Variants in POGLUT3 observed in about 807,000 individuals in gnomAD.
The protein encoded by POGLUT3 is KDEL (Lys-Asp-Glu-Leu) containing 2.
POGLUT3 carries 48 observed loss-of-function variants against 54.3 expected under a neutral mutation model. That is an observed-to-expected ratio of 0.88 (90% CI 0.70 to 1.12). The LOEUF (loss-of-function observed/expected upper bound fraction) is 1.12. POGLUT3 is among the 50% of genes most tolerant of loss of function. POGLUT3 has a pLI of 0.00. For synonymous variants in POGLUT3, 218 were observed against 237.4 expected, an observed-to-expected ratio of 0.92 and a Z score of 0.75; for missense variants, 629 against 618.7, an observed-to-expected ratio of 1.02 and a Z score of -0.18.
chr11:108,498,299 G>A lies in POGLUT3; in HGVS notation c.68C>T (p.Pro23Leu). 2 of 1,460,216 alleles carry A rather than the reference G, an allele frequency of 1.4e-6. No individual in the cohort carries two copies. The highest frequency in any genetic ancestry group is 1.8e-6 in the Non-Finnish European group (2 of 1,103,192). The allele number at this position is 1,460,216 out of a possible 1,614,324, so 90.5% of individuals were successfully genotyped here. A position where few individuals can be genotyped will look rare whatever the true frequency, so the allele number is the denominator to read the frequency against. The change falls in exon 1 of 8, where the codon CCG becomes CTG. Residue 23 changes from proline (P) to leucine (L), a missense_variant. Transcript: ENST00000323468. Reference protein sequence around the residue: ...RLALLVAAGAPEVLVSAPRSL... With the variant: ...RLALLVAAGALEVLVSAPRSL... ...CCGCGGCGCGCTGACCAGCACCTCC[G>A]GGGCCCCCGCGGCCACCAGCAGGGC...
In POGLUT3 at chr11:108,486,326, C is replaced by G; in HGVS notation, c.515G>C (p.Ser172Thr). 1 of 1,614,064 alleles carries G rather than the reference C, an allele frequency of 6.2e-7. No individual in the cohort carries two copies. The highest frequency in any genetic ancestry group is 8.5e-7 in the Non-Finnish European group (1 of 1,180,008). Reference protein sequence around the residue: ...QIAKDFASFPSINLQQMLKEV... With the variant: ...QIAKDFASFPTINLQQMLKEV... ...TTTTAGCATTTGCTGGAGATTGATG[C>G]TGGGAAAGGAAGCAAAATCTTTTGC... Residue 172 changes from serine (S) to threonine (T), a missense_variant, in exon 3 of 8, where the codon AGC becomes ACC. Physicochemically the swap from Ser to Thr is moderately conservative, Grantham distance 58 (BLOSUM62 1). Transcript: ENST00000323468.
intron 5 of POGLUT3, 69 bp downstream of exon 5, chr11:108,481,111 A>C (rs1381548170): frequency 5.6e-6 from 7 of 1,260,908 alleles, no homozygotes; most frequent in Non-Finnish European, 7.8e-6. Context: ...GCTGAAGCCC[A>C]CCTATTTTGG....
At chr11:108,496,060 T>C (rs973028027) in intron 1 of POGLUT3, among the ~76,000 whole-genome samples, 3 of 152,236 alleles carry the variant, frequency 2.0e-5, no homozygotes, top group Non-Finnish European at 4.4e-5. Context: ...ATCATTTGGA[T>C]TTTAACTGAG....
Position 108,498,230 on chromosome 11 carries a change from G to T in POGLUT3, c.137C>A (p.Pro46Gln), listed in dbSNP as rs1339503044. ...CGCCTGCAGGTAGAAATAGCGGACC[G>T]GCAGGACGACGGCCGCCTGCAGCCC... ...GPGLQAAVVL[P>Q]VRYFYLQAVN... Residue 46 changes from proline to glutamine, a missense_variant, in exon 1 of 8, where the codon CCG (proline) becomes CAG (glutamine). Pro to Gln is a moderately conservative substitution (Grantham distance 76). Transcript: ENST00000323468. The T allele has an allele frequency of 6.6e-7, 1 of 1,514,952 alleles. No homozygotes were observed. The highest frequency in any genetic ancestry group is 8.8e-7 in the Non-Finnish European group (1 of 1,133,162). The allele number at this position is 1,514,952 out of a possible 1,614,324, so 93.8% of individuals were successfully genotyped here. A position where few individuals can be genotyped will look rare whatever the true frequency, so the allele number is the denominator to read the frequency against.
At position 108,498,269 on chromosome 11, in the gene POGLUT3, A is replaced by C; in HGVS notation, c.98T>G (p.Leu33Arg). 6.7e-7 allele frequency: 1 copy of C among 1,495,636 alleles called. No homozygotes were observed. The highest frequency in any genetic ancestry group is 8.9e-7 in the Non-Finnish European group (1 of 1,122,732). 92.6% of individuals were successfully genotyped at this position (1,495,636 alleles called of 1,614,324 possible). A position where few individuals can be genotyped will look rare whatever the true frequency, so the allele number is the denominator to read the frequency against. ...CGCCTGCAGCCCGGGCCCCCACACC[A>C]GGCTCCGCGGCGCGCTGACCAGCAC... Reference protein sequence around the residue: ...PEVLVSAPRSLVWGPGLQAAV... With the variant: ...PEVLVSAPRSRVWGPGLQAAV... The change falls in exon 1 of 8, where the codon CTG (leucine) becomes CGG (arginine). Residue 33 changes from leucine (L) to arginine (R), a missense_variant. Coordinates refer to ENST00000323468, the MANE Select transcript of POGLUT3 (RefSeq NM_153705.5).
intron 7 of POGLUT3, among the ~76,000 whole-genome samples, chr11:108,477,054 A>G (rs959311657): frequency 1.3e-5 from 2 of 152,178 alleles, no homozygotes; most frequent in South Asian, 2.1e-4. Flanking sequence ...TTGCTAATCT[A>G]TATTTGTGAG....
In POGLUT3 at chr11:108,477,639, T is replaced by C; in HGVS notation, c.1366A>G (p.Arg456Gly). Residue 456 changes from arginine (R) to glycine (G), a missense_variant, in exon 7 of 8, where the codon AGG becomes GGG. Physicochemically the swap from Arg to Gly is moderately radical, Grantham distance 125. Transcript: ENST00000323468. ...ACTTGGTAATAGTAGCAGTAAAGCC[T>C]GTGTGGCTGTAGTAGGTCCCTAGCC... is the stretch of plus-strand genomic sequence containing the variant. ...LMARDLLQPH[R>G]LYCYYYQVLQ... 3.1e-6 allele frequency: 5 copies of C among 1,612,850 alleles called. No individual in the cohort carries two copies. The highest frequency in any genetic ancestry group is 4.2e-6 in the Non-Finnish European group (5 of 1,178,836).
Position 108,474,722 on chromosome 11 carries a change from G to A in POGLUT3, c.*105C>T, listed in dbSNP as rs1166739701. On this transcript the variant is annotated 3_prime_UTR_variant, in exon 8 of 8. Coordinates refer to ENST00000323468, the MANE Select transcript of POGLUT3 (RefSeq NM_153705.5). ...ATCTACATATATAAAGCCACCGGGA[G>A]AACTAGTCCACTTGGTGCAGTCTTC... 2 of 1,333,638 alleles carry A rather than the reference G, an allele frequency of 1.5e-6. No homozygotes were observed. The highest frequency in any genetic ancestry group is 2.1e-6 in the Non-Finnish European group (2 of 960,456). The allele number at this position is 1,333,638 out of a possible 1,614,324, so 82.6% of individuals were successfully genotyped here. A position where few individuals can be genotyped will look rare whatever the true frequency, so the allele number is the denominator to read the frequency against.
chr11:108,493,212 G>A (rs1439677033), intron 1 of POGLUT3, among the ~76,000 whole-genome samples: 1 of 152,134 alleles, frequency 6.6e-6, no homozygotes, highest in Non-Finnish European at 1.5e-5. Flanking sequence ...AATATTTTTT[G>A]TCGCTGAAAT....
In POGLUT3 at chr11:108,479,392, T is replaced by G; in HGVS notation, c.1202A>C (p.Glu401Ala). The G allele has an allele frequency of 6.2e-7, 1 of 1,612,886 alleles. No individual in the cohort carries two copies. The highest frequency in any genetic ancestry group is 8.5e-7 in the Non-Finnish European group (1 of 1,179,814). Residue 401 changes from glutamate to alanine, a missense_variant, in exon 6 of 8, where the codon GAA (glutamate) becomes GCA (alanine). Coordinates refer to ENST00000323468, the MANE Select transcript of POGLUT3 (RefSeq NM_153705.5). ...AGGTTCTAGTGCCATGTAGAAATGT[T>G]CATAATATGGCGAGTCCTGCTTTAA... Reference protein sequence around the residue: ...LVLKQDSPYYEHFYMALEPWK... With the variant: ...LVLKQDSPYYAHFYMALEPWK...
intron 1 of POGLUT3, among the ~76,000 whole-genome samples, chr11:108,493,091 T>C (rs1303974630): frequency 6.6e-6 from 1 of 152,194 alleles, no homozygotes; most frequent in Non-Finnish European, 1.5e-5. Context: ...AAGAATATTA[T>C]TGACTATGTG....
In POGLUT3 at chr11:108,473,991, C is replaced by T. The variant is rs905266256; in HGVS notation, c.*836G>A. ...TCTTCCTTAAATATCCTTATCAGAC[C>T]TTCTAAAAGGAAGCTGTTATTAATG... On this transcript the variant is annotated 3_prime_UTR_variant, in exon 8 of 8. Transcript: ENST00000323468. 2.6e-5 allele frequency: 4 copies of T among 151,906 alleles called. No homozygotes were observed. The highest frequency in any genetic ancestry group is 3.4e-3 in the Middle Eastern group (1 of 294). The allele number at this position is 151,906 out of a possible 1,614,324, so 9.4% of individuals were successfully genotyped here.
chr11:108,495,039 A>G (rs1180837081), intron 1 of POGLUT3, among the ~76,000 whole-genome samples: 2 of 152,218 alleles, frequency 1.3e-5, no homozygotes, highest in Non-Finnish European at 1.5e-5. Context: ...CCTGCTTTAG[A>G]TCACTGAAGT....
At chr11:108,475,067 G>A in intron 7 of POGLUT3, 115 bp from the exon 8 acceptor site, 1 of 1,081,862 alleles carries the variant, frequency 9.2e-7, no homozygotes, top group Non-Finnish European at 1.4e-6. Context: ...TGTGTCTGCA[G>A]ACTAAAACCA....
At chr11:108,475,327 A>G (rs1433512454) in intron 7 of POGLUT3, among the ~76,000 whole-genome samples, 1 of 152,146 alleles carries the variant, frequency 6.6e-6, no homozygotes, top group Non-Finnish European at 1.5e-5. Flanking sequence ...CAAGATAACC[A>G]TCTGAAAAGT....
chr11:108,483,729 C>T (rs373282963), intron 3 of POGLUT3, among the ~76,000 whole-genome samples: 14 of 152,206 alleles, frequency 9.2e-5, no homozygotes, highest in South Asian at 8.3e-4. Flanking sequence ...AGTGCAGTGG[C>T]GTGATCTTGG....
At chr11:108,477,901 T>G in intron 6 of POGLUT3, 190 bp from the exon 7 acceptor site, 1 of 576,144 alleles carries the variant, frequency 1.7e-6, no homozygotes, top group Non-Finnish European at 3.1e-6. Flanking sequence ...GTAATCCCAG[T>G]ACTTTGGGGG....
At chr11:108,492,585 C>A (rs2093615190) in intron 1 of POGLUT3, among the ~76,000 whole-genome samples, 1 of 152,040 alleles carries the variant, frequency 6.6e-6, no homozygotes, top group South Asian at 2.1e-4. Context: ...TTCTTTTGAT[C>A]TTTAAGGGTT....
intron 2 of POGLUT3, 81 bp from the exon 3 acceptor site, chr11:108,486,521 T>C (rs571828261): frequency 5.0e-5 from 69 of 1,385,628 alleles, no homozygotes; most frequent in Admixed American, 1.5e-4. Context: ...CTCTGCTTCT[T>C]GGTGAATTCT....
Sources: allele counts gnomAD v4.1 joint callset (sites outside exome capture counted in the v4.1 genomes callset), GRCh38; gene constraint gnomAD v4.1.1; transcripts MANE v1.5; gene names NCBI Gene and HGNC (gene_info 2026-07-23, HGNC 2026-07-21).